The following MGLL variants were observed in gnomAD, a reference collection of about 807,000 sequenced individuals.
MGLL encodes monoglyceride lipase.
MGLL carries 7 observed loss-of-function variants against 29.1 expected under a neutral mutation model. That is an observed-to-expected ratio of 0.24 (90% CI 0.14 to 0.45). MGLL has a LOEUF of 0.45. Ranked by LOEUF, MGLL falls within the 20% of genes least tolerant of loss-of-function variation. MGLL has a pLI of 0.99. For missense variants in MGLL, 356 were observed against 413.6 expected (o/e 0.86, Z 1.21); for synonymous variants, 148 against 168.3 (o/e 0.88, Z 0.93).
chr3:127,822,376 A>G lies in MGLL; in HGVS notation c.-58T>C. 4 of 1,599,802 alleles carry G rather than the reference A, an allele frequency of 2.5e-6. No homozygotes were observed. The Admixed American group carries it at 6.7e-5, about 27-fold the overall frequency. The stretch of plus-strand genomic sequence containing the variant: ...CAGCCTGGAGAATCAGAACCAGGCA[A>G]ATCGGGCTGTTCCCTCATCTGGGCG... On this transcript the variant is annotated 5_prime_UTR_variant, in exon 1 of 8. Coordinates refer to ENST00000265052, the MANE Select transcript of MGLL (RefSeq NM_007283.7).
chr3:127,743,572 TAAAAAAAAAA>T lies in MGLL; in HGVS notation c.263-21016_263-21007del, dbSNP rs35691902. ...ATCAGCCGACACATTCCACTAATGC[TAAAAAAAAAA>T]AAAAAAAAAAAAAAAAAGTCCAAGC... On this transcript the variant is annotated intron_variant, in intron 3 of 7. Transcript: ENST00000265052. 3.4e-4 allele frequency among the ~76,000 whole-genome samples: 14 copies of T among 40,720 alleles called. No individual in the cohort carries two copies. In the Admixed American group the frequency reaches 3.9e-3, roughly 11 times the overall value. The allele number at this position is 40,720 out of a possible 152,430, so 26.7% of individuals were successfully genotyped here. A position where few individuals can be genotyped will look rare whatever the true frequency, so the allele number is the denominator to read the frequency against.
At chr3:127,817,484 G>A (rs768384143) in intron 2 of MGLL, among the ~76,000 whole-genome samples, 1 of 152,238 alleles carries the variant, frequency 6.6e-6, no homozygotes, top group Admixed American at 6.5e-5. Context: ...GAGGAAAGAT[G>A]AGAGTGAGAT....
intron 3 of MGLL, among the ~76,000 whole-genome samples, chr3:127,751,959 T>C (rs939850184): frequency 6.6e-6 from 1 of 152,188 alleles, no homozygotes; most frequent in African/African-American, 2.4e-5. Flanking sequence ...ATGCACTGCA[T>C]CTACTGCTTT....
chr3:127,698,617 C>A (rs2075419003), intron 6 of MGLL, among the ~76,000 whole-genome samples: 1 of 152,030 alleles, frequency 6.6e-6, no homozygotes, highest in Non-Finnish European at 1.5e-5. Flanking sequence ...GATGCAGCTG[C>A]AAAAGGGCAA....
intron 3 of MGLL, among the ~76,000 whole-genome samples, chr3:127,752,242 G>A (rs575422279): frequency 3.3e-5 from 5 of 152,128 alleles, no homozygotes; most frequent in East Asian, 1.9e-4. Context: ...GATTGCAGGC[G>A]CCTGCCACCA....
At chr3:127,756,321 T>G (rs2076663251) in intron 3 of MGLL, among the ~76,000 whole-genome samples, 1 of 152,144 alleles carries the variant, frequency 6.6e-6, no homozygotes, top group Non-Finnish European at 1.5e-5. Flanking sequence ...CTAGAGATAG[T>G]AAAGGTCTTA....
intron 3 of MGLL, among the ~76,000 whole-genome samples, chr3:127,765,103 A>G (rs936266782): frequency 7.2e-5 from 11 of 152,360 alleles, no homozygotes; most frequent in Non-Finnish European, 1.5e-4. Flanking sequence ...ATCTTTTCTC[A>G]GCTCCTGAAC....
chr3:127,756,350 C>T (rs1443818733), intron 3 of MGLL, among the ~76,000 whole-genome samples: 1 of 152,142 alleles, frequency 6.6e-6, no homozygotes, highest in Non-Finnish European at 1.5e-5. Flanking sequence ...CACATCTTTC[C>T]TATGCAAATT....
chr3:127,707,128 A>T (rs923537729), intron 6 of MGLL, among the ~76,000 whole-genome samples: 1 of 152,220 alleles, frequency 6.6e-6, no homozygotes, highest in Non-Finnish European at 1.5e-5. Context: ...GATGCGCAGG[A>T]AGGGCCTCCC....
chr3:127,719,888 T>C (rs1275123208), intron 5 of MGLL, among the ~76,000 whole-genome samples: 1 of 152,194 alleles, frequency 6.6e-6, no homozygotes, highest in Non-Finnish European at 1.5e-5. Context: ...GCAAACTAAG[T>C]AAATCATCGT....
At chr3:127,780,704 A>G (rs1016223806) in intron 3 of MGLL, among the ~76,000 whole-genome samples, 1 of 152,250 alleles carries the variant, frequency 6.6e-6, no homozygotes, top group Non-Finnish European at 1.5e-5. Flanking sequence ...GCTTCTCCGT[A>G]CAGATAAGGC....
At chr3:127,718,408 T>C (rs2075856717) in intron 5 of MGLL, among the ~76,000 whole-genome samples, 1 of 152,142 alleles carries the variant, frequency 6.6e-6, no homozygotes. Context: ...AACAGAACGC[T>C]AGAGGGAGGA....
At chr3:127,692,731 G>A (rs2075271468) in intron 7 of MGLL, among the ~76,000 whole-genome samples, 1 of 152,198 alleles carries the variant, frequency 6.6e-6, no homozygotes, top group Non-Finnish European at 1.5e-5. Flanking sequence ...CTAGCCTGGC[G>A]AGGTCTCCAG....
chr3:127,739,389 T>A (rs570973331), intron 3 of MGLL, among the ~76,000 whole-genome samples: 3 of 152,284 alleles, frequency 2.0e-5, no homozygotes, highest in Non-Finnish European at 4.4e-5. Context: ...TAAATATTGG[T>A]TGTAGAAATA....
chr3:127,727,739 AAATC>A (rs1344206695), intron 3 of MGLL, among the ~76,000 whole-genome samples: 1 of 151,336 alleles, frequency 6.6e-6, no homozygotes, highest in East Asian at 1.9e-4. Context: ...ACAGAGCAAG[AAATC>A]AATGTTCTAA....
At chr3:127,730,866 G>A (rs2076137989) in intron 3 of MGLL, among the ~76,000 whole-genome samples, 2 of 152,196 alleles carry the variant, frequency 1.3e-5, no homozygotes, top group Admixed American at 1.3e-4. Flanking sequence ...ATGTTTGTGT[G>A]GACTTGGGGA....
At position 127,724,032 on chromosome 3, in the gene MGLL, T is replaced by C. The variant is rs75310960; in HGVS notation, c.263-1466A>G. Among the ~76,000 whole-genome samples the C allele has an allele frequency of 8.1e-3, 1,239 of 152,258 alleles. 24 individuals carry two copies. Among genetic ancestry groups the C allele is most frequent in the African/African-American group, 0.029 (1,185 of 41,528 alleles). On this transcript the variant is annotated intron_variant, in intron 3 of 7. Transcript: ENST00000265052. Reference sequence around the variant, plus strand: ...GAAGATGCAGGGAGATGGCAGCCATTTACAAGGCAAGGAGAGCCTGCAGGA... The same window carrying C: ...GAAGATGCAGGGAGATGGCAGCCATCTACAAGGCAAGGAGAGCCTGCAGGA...
chr3:127,722,892 C>G (rs2075958953), intron 3 of MGLL, among the ~76,000 whole-genome samples: 1 of 152,190 alleles, frequency 6.6e-6, no homozygotes, highest in African/African-American at 2.4e-5. Context: ...CCTCAGCATG[C>G]CCAGTGTTCT....
rs545027445 is a variant in MGLL, at chr3:127,703,843, C to T, written c.600+6733G>A. On this transcript the variant is annotated intron_variant, in intron 6 of 7. Transcript: ENST00000265052. The stretch of plus-strand genomic sequence containing the variant: ...CCACATAAGGGGTTAATATCCAGAA[C>T]ATATACAGAACTCCTGCAACTTAAC... Among the ~76,000 whole-genome samples the T allele has an allele frequency of 5.3e-5, 8 of 152,308 alleles. No individual in the cohort carries two copies. In the South Asian group the frequency reaches 1.5e-3, roughly 28 times the overall value.
Sources: allele counts gnomAD v4.1 joint callset (sites outside exome capture counted in the v4.1 genomes callset), GRCh38; gene constraint gnomAD v4.1.1; transcripts MANE v1.5; gene names NCBI Gene and HGNC (gene_info 2026-07-23, HGNC 2026-07-21).